The following KMT2C variants were observed in gnomAD, a reference collection of about 807,000 sequenced individuals.
The protein encoded by KMT2C is lysine methyltransferase 2C, also known as histone-lysine N-methyltransferase 2C.
Under a neutral mutation model 507.9 loss-of-function variants are expected in KMT2C, and 88 were observed. The ratio of observed to expected loss-of-function variants is 0.17; its 90% CI spans 0.15 to 0.21. The LOEUF is 0.21. KMT2C is among the 10% of genes least tolerant of loss of function. The pLI, the probability that KMT2C is intolerant of heterozygous loss-of-function variation, is 1.00. For missense variants in KMT2C, 4,954 were observed against 5,957.8 expected (o/e 0.83, Z 5.55); for synonymous variants, 2,049 against 2,080.8 (o/e 0.98, Z 0.42).
intron 3 of KMT2C, among the ~76,000 whole-genome samples, chr7:152,317,426 T>C (rs2096731483): frequency 6.6e-6 from 1 of 152,224 alleles, no homozygotes; most frequent in South Asian, 2.1e-4. Flanking sequence ...CCAGAGAATC[T>C]GCAAATTCAC....
Position 152,162,338 on chromosome 7 carries a change from T to A in KMT2C, c.11239A>T (p.Asn3747Tyr), listed in dbSNP as rs765431122. The change falls in exon 43 of 59, where the codon AAC becomes TAC. Residue 3747 changes from asparagine (N) to tyrosine (Y), a missense_variant. Physicochemically the swap from Asn to Tyr is moderately radical, Grantham distance 143 (BLOSUM62 -2). Around this residue, in one of 29 missense-constraint regions of KMT2C, gnomAD observed 801 missense variants for 751.2 expected, o/e 1.07. Transcript: ENST00000262189. ...EEQNGSKVEGNAVACPVSSAQ... is the reference protein window; with the variant it reads ...EEQNGSKVEGYAVACPVSSAQ... The stretch of plus-strand genomic sequence containing the variant: ...GAGGAGACAGGACAGGCTACAGCGT[T>A]TCCTTCTACCTTACTACCATTCTGT... 1.5e-5 allele frequency: 25 copies of A among 1,614,222 alleles called. No individual in the cohort carries two copies. Among genetic ancestry groups the A allele is most frequent in the Non-Finnish European group, 2.1e-5 (25 of 1,180,038 alleles).
intron 23 of KMT2C, among the ~76,000 whole-genome samples, chr7:152,207,970 A>T (rs1238219132): frequency 6.6e-6 from 1 of 152,070 alleles, no homozygotes; most frequent in Non-Finnish European, 1.5e-5. Flanking sequence ...ACTTCTCAAT[A>T]CCTCTGAAAT....
chr7:152,259,450 A>G (rs71541746), intron 9 of KMT2C, among the ~76,000 whole-genome samples: 8,705 of 91,032 alleles, frequency 0.096, 449 homozygotes, highest in African/African-American at 0.27. Context: ...ACACGCGCAC[A>G]CACACACACA....
At chr7:152,335,343 AC>A (rs1463624840) in intron 2 of KMT2C, among the ~76,000 whole-genome samples, 2 of 152,206 alleles carry the variant, frequency 1.3e-5, no homozygotes, top group African/African-American at 4.8e-5. Context: ...TTTGGGATAT[AC>A]CCATTTTATA....
At chr7:152,188,016 GACCAAC>G (rs2093676352) in intron 31 of KMT2C, among the ~76,000 whole-genome samples, 169 bp from the exon 32 acceptor site, 1 of 152,070 alleles carries the variant, frequency 6.6e-6, no homozygotes, top group South Asian at 2.1e-4. Context: ...GCATAGAGAG[GACCAAC>G]TTTTCTTGTA....
At chr7:152,250,494 G>A (rs190108033) in intron 12 of KMT2C, among the ~76,000 whole-genome samples, 31 of 152,120 alleles carry the variant, frequency 2.0e-4, no homozygotes, top group Non-Finnish European at 3.1e-4. Context: ...CCCTCAATAG[G>A]ACTGCTGAGA....
intron 3 of KMT2C, among the ~76,000 whole-genome samples, chr7:152,323,731 G>A (rs1446212139): frequency 7.0e-6 from 1 of 142,590 alleles, no homozygotes; most frequent in Non-Finnish European, 1.5e-5. Context: ...GGGACGAAGG[G>A]AGAGAAGGAA....
intron 22 of KMT2C, among the ~76,000 whole-genome samples, chr7:152,221,385 AT>A (rs1315202803): frequency 1.3e-5 from 2 of 152,236 alleles, no homozygotes; most frequent in African/African-American, 4.8e-5. Context: ...GCAGGGATCT[AT>A]TTACGTAAGA....
Position 152,411,335 on chromosome 7 carries a change from C to T in KMT2C, c.161+24291G>A, listed in dbSNP as rs970871083. ...TCCTGCAACAATGTTTTCAGTAGGG[C>T]GGGATCCGTGGCTCCCAATCAAGTC... On this transcript the variant is annotated intron_variant, in intron 1 of 58. Transcript: ENST00000262189. Among the ~76,000 whole-genome samples, 50 of 152,088 alleles carry T rather than the reference C, an allele frequency of 3.3e-4. 1 individual carries two copies. The highest frequency in any genetic ancestry group is 1.7e-3 in the Admixed American group (26 of 15,242).
At chr7:152,169,124 G>A in intron 41 of KMT2C, 62 bp downstream of exon 41, 1 of 1,049,656 alleles carries the variant, frequency 9.5e-7, no homozygotes, top group Non-Finnish European at 1.5e-6. Flanking sequence ...GTTTAGAACA[G>A]CACACATAGA....
At chr7:152,271,588 C>A (rs987157307) in intron 7 of KMT2C, among the ~76,000 whole-genome samples, 5 of 149,426 alleles carry the variant, frequency 3.3e-5, no homozygotes, top group Non-Finnish European at 1.5e-5. Context: ...CAGGAGAAAT[C>A]GCATGAACCT....
chr7:152,275,521 G>A (rs1302193727), intron 6 of KMT2C, among the ~76,000 whole-genome samples: 1 of 152,142 alleles, frequency 6.6e-6, no homozygotes, highest in African/African-American at 2.4e-5. Context: ...AATATTATAA[G>A]TATACAGAAT....
intron 43 of KMT2C, among the ~76,000 whole-genome samples, chr7:152,160,619 ATATATATT>A (rs1296854499): frequency 6.8e-6 from 1 of 147,474 alleles, no homozygotes; most frequent in Non-Finnish European, 1.5e-5. Context: ...TTAATTATAT[ATATATATT>A]TATATATTTA....
intron 9 of KMT2C, among the ~76,000 whole-genome samples, chr7:152,256,354 A>T (rs2095662211): frequency 6.6e-6 from 1 of 152,078 alleles, no homozygotes; most frequent in Non-Finnish European, 1.5e-5. Context: ...AAACAAAGTC[A>T]AAAGACACAT....
chr7:152,203,157 A>G (rs2094196513), intron 25 of KMT2C, 93 bp from the exon 26 acceptor site: 3 of 922,692 alleles, frequency 3.3e-6, no homozygotes, highest in South Asian at 5.0e-5. Context: ...ACATACACAC[A>G]GTTTCATATA....
At chr7:152,271,673 CA>C (rs35698920) in intron 7 of KMT2C, among the ~76,000 whole-genome samples, 3,286 of 55,006 alleles carry the variant, frequency 0.06, 13 homozygotes, top group Middle Eastern at 0.17. Context: ...GACTCCATCT[CA>C]AAAAAAAAAA....
intron 23 of KMT2C, chr7:152,220,294 C>T: frequency 1.9e-6 from 1 of 523,254 alleles, no homozygotes; most frequent in Non-Finnish European, 3.4e-6. Context: ...TATGGTGCTC[C>T]TTGAGATTTC....
At chr7:152,234,400 A>G (rs1374244643) in intron 16 of KMT2C, among the ~76,000 whole-genome samples, 1 of 152,168 alleles carries the variant, frequency 6.6e-6, no homozygotes, top group East Asian at 1.9e-4. Flanking sequence ...AGAAGAAAAA[A>G]AAAAGGAAAA....
chr7:152,350,197 C>T (rs2097098687), intron 2 of KMT2C, among the ~76,000 whole-genome samples: 1 of 152,098 alleles, frequency 6.6e-6, no homozygotes, highest in Non-Finnish European at 1.5e-5. Flanking sequence ...TTGCAGTGAG[C>T]CGAGATTGCA....
Sources: allele counts gnomAD v4.1 joint callset (sites outside exome capture counted in the v4.1 genomes callset), GRCh38; gene constraint gnomAD v4.1.1; regional missense constraint gnomAD v4.1.1; transcripts MANE v1.5; gene names NCBI Gene and HGNC (gene_info 2026-07-23, HGNC 2026-07-21).